PCDHGA12: variants seen among roughly 807,000 people sequenced by gnomAD.
The protein encoded by PCDHGA12 is protocadherin gamma subfamily A, 12, also known as protocadherin gamma-A12.
In PCDHGA12, 43 loss-of-function variants were observed where a neutral mutation model predicts 61.1. The ratio of observed to expected loss-of-function variants is 0.70; its 90% CI spans 0.55 to 0.91. The LOEUF is 0.91. Ranked by LOEUF, PCDHGA12 falls within the 40% of genes least tolerant of loss-of-function variation. The probability of loss-of-function intolerance (pLI) is 0.00; values close to 1 mark genes in which losing one functional copy is unlikely to be tolerated. For missense variants in PCDHGA12, 1,236 were observed against 1,227.7 expected, an observed-to-expected ratio of 1.01 and a Z score of -0.10; for synonymous variants, 520 against 542.9, an observed-to-expected ratio of 0.96 and a Z score of 0.59.
intron 1 of PCDHGA12, among the ~76,000 whole-genome samples, chr5:141,439,076 C>G (rs1358035789): frequency 6.6e-6 from 1 of 151,590 alleles, no homozygotes; most frequent in East Asian, 2.0e-4. Context: ...GCCTGTAATC[C>G]CAGCTACTCA....
At position 141,431,335 on chromosome 5, in the gene PCDHGA12, C is replaced by A. The variant is rs747132346; in HGVS notation, c.576C>A (p.Pro192=). Residue 192 remains proline, a synonymous_variant, in exon 1 of 4, where the codon CCC becomes CCA. Transcript: ENST00000252085. This position sits in a 1 kb window ranked among gnomAD's most constrained non-coding sequence, Gnocchi z 4.8. ...ATGGAGCCGACGGTAGTAAGTACCCCGAATTGGTGCTGAAACGCGCCCTGG... is the reference window on the plus strand; with the variant it reads ...ATGGAGCCGACGGTAGTAAGTACCCAGAATTGGTGCTGAAACGCGCCCTGG... ...VQNGADGSKY[P]ELVLKRALDR... 11 of 1,613,944 alleles carry A rather than the reference C, an allele frequency of 6.8e-6. No homozygotes were observed. The Admixed American group carries it at 1.5e-4, about 22-fold the overall frequency.
chr5:141,486,278 G>A lies in PCDHGA12; in HGVS notation c.2425-8529G>A. The A allele has an allele frequency of 1.2e-6, 2 of 1,614,088 alleles. No individual in the cohort carries two copies. Among genetic ancestry groups the A allele is most frequent in the South Asian group, 2.2e-5 (2 of 91,068 alleles). On this transcript the variant is annotated intron_variant, in intron 1 of 3. Transcript: ENST00000252085. This position sits in a 1 kb window ranked among gnomAD's most constrained non-coding sequence, Gnocchi z 5.0. The stretch of plus-strand genomic sequence containing the variant: ...CGAGAGTGCAGAACCTGGCACTGTG[G>A]TGGCACTTATCAGTGTGCAGGATCC...
chr5:141,443,656 A>T (rs139300845), intron 1 of PCDHGA12, among the ~76,000 whole-genome samples: 1 of 152,256 alleles, frequency 6.6e-6, no homozygotes, highest in African/African-American at 2.4e-5. Flanking sequence ...TTAGCATAGC[A>T]TTTTACTGAA....
chr5:141,498,523 G>A (rs555386753), intron 2 of PCDHGA12, among the ~76,000 whole-genome samples: 1 of 151,580 alleles, frequency 6.6e-6, no homozygotes, highest in Admixed American at 6.6e-5. Context: ...CTTGCCCACT[G>A]CCCTCCAGCC....
intron 1 of PCDHGA12, among the ~76,000 whole-genome samples, chr5:141,472,422 C>T (rs1328468154): frequency 6.6e-6 from 1 of 152,008 alleles, no homozygotes; most frequent in East Asian, 1.9e-4. Flanking sequence ...GCACCTGTAT[C>T]CCAGCTACTA....
intron 1 of PCDHGA12, among the ~76,000 whole-genome samples, chr5:141,443,720 T>G (rs1349609652): frequency 2.6e-5 from 4 of 152,156 alleles, no homozygotes; most frequent in Non-Finnish European, 5.9e-5. Flanking sequence ...CATATAAAAT[T>G]CCTCATACAT....
At chr5:141,475,829 G>A (rs1408248560) in intron 1 of PCDHGA12, 5 of 386,748 alleles carry the variant, frequency 1.3e-5, no homozygotes, top group Non-Finnish European at 2.3e-5. Flanking sequence ...GCGCTAGCGC[G>A]TGTCCTGCTC....
chr5:141,437,307 G>A (rs1172152732), intron 1 of PCDHGA12, among the ~76,000 whole-genome samples: 7 of 152,120 alleles, frequency 4.6e-5, no homozygotes, highest in South Asian at 2.1e-4. Context: ...AAGTTAAAGC[G>A]TTCAGCTATA....
chr5:141,495,415 C>T (rs1385371906), intron 2 of PCDHGA12, among the ~76,000 whole-genome samples: 1 of 152,194 alleles, frequency 6.6e-6, no homozygotes, highest in Admixed American at 6.5e-5. Context: ...TTCTCCGGCC[C>T]CTCCTCCCAC....
At chr5:141,465,186 G>T (rs2099098546) in intron 1 of PCDHGA12, among the ~76,000 whole-genome samples, 1 of 151,852 alleles carries the variant, frequency 6.6e-6, no homozygotes, top group African/African-American at 2.4e-5. Flanking sequence ...TTAATTAAAA[G>T]ATAAAAATAA....
rs113341686 is a variant in PCDHGA12, at chr5:141,488,763, G to A, written c.2425-6044G>A. Among the ~76,000 whole-genome samples the A allele has an allele frequency of 6.6e-4, 101 of 152,264 alleles. 1 individual carries two copies. The highest frequency in any genetic ancestry group is 1.7e-3 in the African/African-American group (69 of 41,544). ...ATGCAGGAAGTTGCTGGGACAGAACGCTGAGGAGTTTTGTATCACTTTGTC... is the reference window on the plus strand; with the variant it reads ...ATGCAGGAAGTTGCTGGGACAGAACACTGAGGAGTTTTGTATCACTTTGTC... On this transcript the variant is annotated intron_variant, in intron 1 of 3. Coordinates refer to ENST00000252085, the MANE Select transcript of PCDHGA12 (RefSeq NM_003735.3).
At position 141,491,410 on chromosome 5, in the gene PCDHGA12, G is replaced by A. The variant is rs777207581; in HGVS notation, c.2425-3397G>A. The A allele has an allele frequency of 1.9e-6, 3 of 1,614,024 alleles. No homozygotes were observed. Among genetic ancestry groups the A allele is most frequent in the Admixed American group, 1.7e-5 (1 of 60,006 alleles). ...GTGCCTTCAGGGAAACGCAGACGGGGACGGGGGTGGAGGGCAGTGCTGCAG... is the reference window on the plus strand; with the variant it reads ...GTGCCTTCAGGGAAACGCAGACGGGAACGGGGGTGGAGGGCAGTGCTGCAG... On this transcript the variant is annotated intron_variant, in intron 1 of 3. Transcript: ENST00000252085. The surrounding 1 kb of genome is among the most constrained non-coding windows in gnomAD (Gnocchi z 6.9).
In PCDHGA12 at chr5:141,493,482, G is replaced by T. The variant is rs184736387; in HGVS notation, c.2425-1325G>T. The stretch of plus-strand genomic sequence containing the variant: ...TTTTAGGACCTTACATGTGGGGAAA[G>T]TCTTCTGTGGCTCCTCATTTCTGAG... On this transcript the variant is annotated intron_variant, in intron 1 of 3. Coordinates refer to ENST00000252085, the MANE Select transcript of PCDHGA12 (RefSeq NM_003735.3). The surrounding 1 kb of genome is among the most constrained non-coding windows in gnomAD (Gnocchi z 4.3). 6.6e-6 allele frequency among the ~76,000 whole-genome samples: 1 copy of T among 152,206 alleles called. No individual in the cohort carries two copies. Among genetic ancestry groups the T allele is most frequent in the Admixed American group, 6.5e-5 (1 of 15,282 alleles).
chr5:141,498,105 G>C (rs150297456), intron 2 of PCDHGA12, among the ~76,000 whole-genome samples: 1 of 152,324 alleles, frequency 6.6e-6, no homozygotes, highest in East Asian at 1.9e-4. Flanking sequence ...TGGTGTGGGC[G>C]TATAATAGGG....
At chr5:141,473,002 GAA>G (rs2099311273) in intron 1 of PCDHGA12, among the ~76,000 whole-genome samples, 1 of 143,872 alleles carries the variant, frequency 7.0e-6, no homozygotes, top group East Asian at 2.0e-4. Flanking sequence ...AAAAAAGAAA[GAA>G]AAAGAAAAAG....
In PCDHGA12 at chr5:141,477,155, G is replaced by A. The variant is rs2099406190; in HGVS notation, c.2425-17652G>A. ...GTTGGTGGAGGTTGTGGATGTGAATGACAACGCCCCGGAGATCACAGTCAC... is the reference window on the plus strand; with the variant it reads ...GTTGGTGGAGGTTGTGGATGTGAATAACAACGCCCCGGAGATCACAGTCAC... On this transcript the variant is annotated intron_variant, in intron 1 of 3. Coordinates refer to ENST00000252085, the MANE Select transcript of PCDHGA12 (RefSeq NM_003735.3). The surrounding 1 kb of genome is among the most constrained non-coding windows in gnomAD (Gnocchi z 4.9). The A allele has an allele frequency of 6.2e-7, 1 of 1,614,190 alleles. No individual in the cohort carries two copies. The highest frequency in any genetic ancestry group is 8.5e-7 in the Non-Finnish European group (1 of 1,180,042).
chr5:141,495,069 T>G (rs1179878936), intron 2 of PCDHGA12, among the ~76,000 whole-genome samples: 1 of 152,142 alleles, frequency 6.6e-6, no homozygotes, highest in African/African-American at 2.4e-5. Flanking sequence ...GGAAGCTCAA[T>G]TCACATGCTT....
intron 3 of PCDHGA12, among the ~76,000 whole-genome samples, chr5:141,509,050 C>T (rs867585045): frequency 1.6e-4 from 25 of 152,304 alleles, no homozygotes; most frequent in Admixed American, 5.2e-4. Flanking sequence ...CCCCCGCCCC[C>T]AGAAAGCTCT....
At chr5:141,433,253 G>C (rs1288721469) in intron 1 of PCDHGA12, 70 bp downstream of exon 1, 1 of 1,416,466 alleles carries the variant, frequency 7.1e-7, no homozygotes, top group East Asian at 2.3e-5. Flanking sequence ...GAATGCAGCG[G>C]TACGATCATA....
Sources: gnomAD v4.1 joint callset for allele counts (sites outside exome capture counted in the v4.1 genomes callset) on GRCh38, gnomAD v4.1.1 for gene constraint, Gnocchi (gnomAD v3.1) non-coding constraint, MANE v1.5 for transcripts, NCBI Gene and HGNC (gene_info 2026-07-23, HGNC 2026-07-21) for gene names.